Variants in XPO7 observed in about 807,000 individuals in gnomAD.
XPO7 encodes exportin-7.
In XPO7, 21 loss-of-function variants were observed where a neutral mutation model predicts 144.3. The ratio of observed to expected loss-of-function variants is 0.15; its 90% confidence interval spans 0.10 to 0.21. XPO7 has a LOEUF of 0.21. Ranked by LOEUF, XPO7 falls within the 10% of genes least tolerant of loss-of-function variation. XPO7 has a pLI of 1.00. For synonymous variants in XPO7, 580 were observed against 499.6 expected, an observed-to-expected ratio of 1.16 and a Z score of -2.15; for missense variants, 808 against 1,325.8, an observed-to-expected ratio of 0.61 and a Z score of 6.06.
In XPO7 at chr8:21,980,493, C is replaced by T. The variant is rs187280722; in HGVS notation, c.957+290C>T. Among the ~76,000 whole-genome samples, 11 of 152,268 alleles carry T rather than the reference C, an allele frequency of 7.2e-5. 1 individual carries two copies. The East Asian group carries it at 1.7e-3, about 24-fold the overall frequency. ...CAAGAAGTTAAGACTCTAACATCTC[C>T]GGGCACAGAGGCTCACGCCTGTAAT... is the stretch of plus-strand genomic sequence containing the variant. On this transcript the variant is annotated intron_variant, in intron 9 of 27. Coordinates refer to ENST00000252512, the MANE Select transcript of XPO7 (RefSeq NM_015024.5).
intron 1 of XPO7, among the ~76,000 whole-genome samples, chr8:21,943,064 A>G (rs986162399): frequency 3.3e-5 from 5 of 152,218 alleles, no homozygotes; most frequent in Non-Finnish European, 7.3e-5. Flanking sequence ...AAGTGTATAA[A>G]TAATGTCTTG....
intron 5 of XPO7, 144 bp from the exon 6 acceptor site, chr8:21,974,526 G>T: frequency 1.7e-6 from 1 of 601,614 alleles, no homozygotes. Context: ...ACTAGATAGC[G>T]TTTCACAATA....
At chr8:21,960,350 T>C (rs1811684391) in intron 1 of XPO7, among the ~76,000 whole-genome samples, 1 of 152,242 alleles carries the variant, frequency 6.6e-6, no homozygotes. Context: ...CTTTCTTTCC[T>C]CTGCACCGTT....
At chr8:21,920,900 C>T (rs374888047) in intron 1 of XPO7, among the ~76,000 whole-genome samples, 145 of 152,238 alleles carry the variant, frequency 9.5e-4, no homozygotes, top group African/African-American at 3.4e-3. Context: ...ATTCTTAATA[C>T]GTCTACAAGA....
intron 5 of XPO7, among the ~76,000 whole-genome samples, chr8:21,973,029 T>C (rs935071307): frequency 6.6e-6 from 1 of 151,934 alleles, no homozygotes; most frequent in African/African-American, 2.4e-5. Context: ...AGAACAGTCA[T>C]ATGAGGTAGG....
At chr8:21,989,889 G>T (rs1320328387) in intron 16 of XPO7, among the ~76,000 whole-genome samples, 255 of 106,120 alleles carry the variant, frequency 2.4e-3, no homozygotes, top group African/African-American at 8.2e-3. Flanking sequence ...TTGCTCTGTT[G>T]CCCAGGCTGG....
chr8:22,003,719 T>C (rs568092005), intron 26 of XPO7, among the ~76,000 whole-genome samples, 184 bp from the exon 27 acceptor site: 1 of 152,328 alleles, frequency 6.6e-6, no homozygotes, highest in East Asian at 1.9e-4. Context: ...ATTCTTGATA[T>C]TCTTAGTAGG....
chr8:21,958,998 TTGAGCCTCAGCTGGGATTG>T (rs1354045822), intron 1 of XPO7, among the ~76,000 whole-genome samples: 4 of 150,714 alleles, frequency 2.7e-5, no homozygotes, highest in Non-Finnish European at 5.9e-5. Flanking sequence ...CATGGCAGTG[TTGAGCCTCAGCTGGGATTG>T]TGTAAGTCAG....
intron 19 of XPO7, among the ~76,000 whole-genome samples, chr8:21,994,020 T>G (rs923316636): frequency 1.3e-5 from 2 of 148,346 alleles, no homozygotes; most frequent in Non-Finnish European, 3.0e-5. Context: ...CTTTTTCACT[T>G]TTTACATGTG....
At chr8:21,998,606 A>G (rs527733364) in intron 21 of XPO7, 149 bp from the exon 22 acceptor site, 3 of 595,570 alleles carry the variant, frequency 5.0e-6, no homozygotes, top group Non-Finnish European at 8.8e-6. Flanking sequence ...TTAAATATCT[A>G]TAACTTGGTT....
At position 21,956,549 on chromosome 8, in the gene XPO7, A is replaced by T. The variant is rs542826860; in HGVS notation, c.19-10308A>T. Among the ~76,000 whole-genome samples, 5 of 152,236 alleles carry T rather than the reference A, an allele frequency of 3.3e-5. No homozygotes were observed. In the East Asian group the frequency reaches 9.6e-4, roughly 29 times the overall value. On this transcript the variant is annotated intron_variant, in intron 1 of 27. Transcript: ENST00000252512. ...GTTCTGTCTTTCTGTAACTCCTGTT[A>T]ATTGGATGTTAGGCCTATGGAACTG...
intron 9 of XPO7, among the ~76,000 whole-genome samples, chr8:21,981,468 CT>C (rs1313977097): frequency 6.6e-6 from 1 of 152,200 alleles, no homozygotes; most frequent in Non-Finnish European, 1.5e-5. Flanking sequence ...GTTTCAAACT[CT>C]GTCCATTGAG....
At chr8:22,000,071 A>G (rs1813088344) in intron 24 of XPO7, among the ~76,000 whole-genome samples, 3 of 152,228 alleles carry the variant, frequency 2.0e-5, no homozygotes, top group African/African-American at 7.2e-5. Context: ...GGAAGTCAGG[A>G]TCAAGGAAGA....
At chr8:21,994,585 T>A (rs1812878378) in intron 20 of XPO7, 134 bp downstream of exon 20, 1 of 759,812 alleles carries the variant, frequency 1.3e-6, no homozygotes, top group Non-Finnish European at 2.1e-6. Flanking sequence ...CCAGAAGGCC[T>A]GCATGTGTCC....
At chr8:21,948,233 C>T (rs1811255568) in intron 1 of XPO7, among the ~76,000 whole-genome samples, 2 of 152,170 alleles carry the variant, frequency 1.3e-5, no homozygotes, top group Non-Finnish European at 2.9e-5. Context: ...TGACAGTGGT[C>T]ACGTAAGATT....
intron 7 of XPO7, 110 bp from the exon 8 acceptor site, chr8:21,977,660 G>A (rs1248645723): frequency 4.1e-6 from 4 of 984,774 alleles, no homozygotes; most frequent in Non-Finnish European, 6.1e-6. Flanking sequence ...TAAATACTCT[G>A]TAAGATAAGT....
intron 1 of XPO7, among the ~76,000 whole-genome samples, chr8:21,965,969 A>ATGTT (rs1811868983): frequency 2.0e-5 from 2 of 101,838 alleles, no homozygotes; most frequent in East Asian, 5.3e-4. Context: ...AGGCTAACAG[A>ATGTT]TGTTTACTCT....
intron 1 of XPO7, among the ~76,000 whole-genome samples, chr8:21,944,032 A>T (rs1585427552): frequency 1.3e-5 from 2 of 152,222 alleles, no homozygotes; most frequent in East Asian, 3.9e-4. Flanking sequence ...CCTCATATAC[A>T]TGAGGTAATT....
At chr8:21,921,189 A>G (rs148188473) in intron 1 of XPO7, among the ~76,000 whole-genome samples, 422 of 152,368 alleles carry the variant, frequency 2.8e-3, no homozygotes, top group African/African-American at 9.4e-3. Context: ...GTTTTATAGC[A>G]GTCATTTCTA....
Sources: gnomAD v4.1 joint callset for allele counts (sites outside exome capture counted in the v4.1 genomes callset) on GRCh38, gnomAD v4.1.1 for gene constraint, MANE v1.5 for transcripts, NCBI Gene and HGNC (gene_info 2026-07-23, HGNC 2026-07-21) for gene names.